Variants in NRG2 observed in about 807,000 individuals in gnomAD.
NRG2 encodes pro-neuregulin-2, membrane-bound isoform.
In NRG2, 27 loss-of-function variants were observed where a neutral mutation model predicts 73.9. The observed-to-expected ratio is 0.37, with a 90% confidence interval of 0.27 to 0.50. NRG2 has a LOEUF of 0.50. NRG2 is among the 20% of genes least tolerant of loss of function. NRG2 has a pLI of 0.96. For missense variants in NRG2, 1,126 were observed against 1,210.1 expected, an observed-to-expected ratio of 0.93 and a Z score of 1.03; for synonymous variants, 532 against 541.0, an observed-to-expected ratio of 0.98 and a Z score of 0.23.
intron 1 of NRG2, among the ~76,000 whole-genome samples, chr5:139,959,428 G>A (rs1214291507): frequency 6.6e-6 from 1 of 152,178 alleles, no homozygotes; most frequent in African/African-American, 2.4e-5. Flanking sequence ...CCAGGCTGGA[G>A]TGCAATGGCG....
chr5:140,006,686 A>G (rs1758928194), intron 1 of NRG2, among the ~76,000 whole-genome samples: 1 of 152,256 alleles, frequency 6.6e-6, no homozygotes, highest in Non-Finnish European at 1.5e-5. Flanking sequence ...ATGGTGGAAG[A>G]GAAGAGAGAC....
chr5:139,982,712 T>C (rs1756899986), intron 1 of NRG2, among the ~76,000 whole-genome samples: 1 of 152,196 alleles, frequency 6.6e-6, no homozygotes, highest in East Asian at 1.9e-4. Context: ...AATTATTTCT[T>C]TACAACTTTC....
chr5:139,871,942 G>C, intron 3 of NRG2, 101 bp from the exon 4 acceptor site: 2 of 1,493,086 alleles, frequency 1.3e-6, no homozygotes, highest in East Asian at 2.3e-5. Flanking sequence ...AAGATGACCA[G>C]AGGCTGCAGG....
At chr5:139,999,059 C>T (rs760170040) in intron 1 of NRG2, among the ~76,000 whole-genome samples, 2 of 152,116 alleles carry the variant, frequency 1.3e-5, no homozygotes, top group Non-Finnish European at 2.9e-5. Flanking sequence ...GTCCTAAGGA[C>T]GAGGCTCAGC....
intron 1 of NRG2, among the ~76,000 whole-genome samples, chr5:139,978,200 C>G (rs896616538): frequency 6.6e-6 from 1 of 152,174 alleles, no homozygotes; most frequent in African/African-American, 2.4e-5. Context: ...ACTCATCTGA[C>G]AAAGGGCTAA....
chr5:139,880,193 G>C (rs753083212), intron 3 of NRG2, among the ~76,000 whole-genome samples: 30 of 152,258 alleles, frequency 2.0e-4, no homozygotes, highest in South Asian at 1.2e-3. Context: ...GGTAGTTTTG[G>C]CGGAGAGGCA....
In NRG2 at chr5:139,853,348, A is replaced by G. The variant is rs1240625683; in HGVS notation, c.1293-321T>C. On this transcript the variant is annotated intron_variant, in intron 6 of 9. Transcript: ENST00000361474. This position sits in a 1 kb window ranked among gnomAD's most constrained non-coding sequence, Gnocchi z 4.1. ...ACAGGGTGATCATTTATCCATTCCAAAGACTATTGAGGATTAAAAGTATAT... is the reference window on the plus strand; with the variant it reads ...ACAGGGTGATCATTTATCCATTCCAGAGACTATTGAGGATTAAAAGTATAT... Among the ~76,000 whole-genome samples the G allele has an allele frequency of 1.3e-5, 2 of 152,180 alleles. No individual in the cohort carries two copies. Among genetic ancestry groups the G allele is most frequent in the Admixed American group, 6.5e-5 (1 of 15,278 alleles).
chr5:139,907,141 G>C (rs1765286613), intron 1 of NRG2, among the ~76,000 whole-genome samples: 1 of 152,090 alleles, frequency 6.6e-6, no homozygotes, highest in South Asian at 2.1e-4. Context: ...GTTTGTGGGA[G>C]GTCTGTGGAC....
At chr5:139,947,502 T>C (rs1046521376) in intron 1 of NRG2, among the ~76,000 whole-genome samples, 5 of 152,226 alleles carry the variant, frequency 3.3e-5, no homozygotes, top group Admixed American at 2.6e-4. Flanking sequence ...TTAGGTGGTT[T>C]CTACTTTTTG....
intron 1 of NRG2, among the ~76,000 whole-genome samples, chr5:139,895,276 C>T (rs947306423): frequency 6.6e-6 from 1 of 152,248 alleles, no homozygotes; most frequent in African/African-American, 2.4e-5. Flanking sequence ...TACCTCATCC[C>T]CAGAGTCACG....
In NRG2 at chr5:139,851,719, C is replaced by T. The variant is rs1561622283; in HGVS notation, c.1657G>A (p.Val553Met). 2 of 1,614,246 alleles carry T rather than the reference C, an allele frequency of 1.2e-6. No individual in the cohort carries two copies. Among genetic ancestry groups the T allele is most frequent in the Non-Finnish European group, 1.7e-6 (2 of 1,180,044 alleles). Reference protein sequence around the residue: ...GTSKCNSPACVEARARRAAAY... With the variant: ...GTSKCNSPACMEARARRAAAY... ...GCTGCCCGCCTTGCCCGGGCCTCCA[C>T]ACATGCTGGGCTGTTGCATTTGCTG... The change falls in exon 9 of 10, where the codon GTG becomes ATG. Residue 553 changes from valine to methionine, a missense_variant. Physicochemically the swap from Val to Met is conservative, Grantham distance 21. This residue lies in a region of NRG2 where 539 missense variants were observed against 703.2 expected (regional missense o/e 0.77). Coordinates refer to ENST00000361474, the MANE Select transcript of NRG2 (RefSeq NM_004883.3). This position sits in a 1 kb window ranked among gnomAD's most constrained non-coding sequence, Gnocchi z 4.2.
At chr5:139,854,291 C>T in intron 6 of NRG2, among the ~76,000 whole-genome samples, 1 of 152,242 alleles carries the variant, frequency 6.6e-6, no homozygotes, top group Non-Finnish European at 1.5e-5. Context: ...TCTTCACCTG[C>T]TAACTCTTGT....
intron 1 of NRG2, among the ~76,000 whole-genome samples, chr5:139,997,826 A>T (rs2126612207): frequency 6.6e-6 from 1 of 152,330 alleles, no homozygotes; most frequent in Admixed American, 6.5e-5. Context: ...TCTATCACAG[A>T]TGGACATGGT....
At chr5:139,989,478 A>G (rs974749323) in intron 1 of NRG2, among the ~76,000 whole-genome samples, 2 of 152,196 alleles carry the variant, frequency 1.3e-5, no homozygotes, top group South Asian at 2.1e-4. Flanking sequence ...CCAGGCAGCC[A>G]TCAACCTGAA....
At chr5:140,020,946 A>G (rs1054142757) in intron 1 of NRG2, among the ~76,000 whole-genome samples, 1 of 152,138 alleles carries the variant, frequency 6.6e-6, no homozygotes, top group East Asian at 1.9e-4. Flanking sequence ...GAAATACTCT[A>G]TCCCGTGTCT....
Position 139,904,864 on chromosome 5 carries a change from C to T in NRG2, c.701-17353G>A, listed in dbSNP as rs1765131358. The stretch of plus-strand genomic sequence containing the variant: ...CCCGCTAGCCAGCCCAGCGGGGTAG[C>T]GAGCACCCTTGGCTCTTGCGGTGGG... On this transcript the variant is annotated intron_variant, in intron 1 of 9. Coordinates refer to ENST00000361474, the MANE Select transcript of NRG2 (RefSeq NM_004883.3). The surrounding 1 kb of genome is among the most constrained non-coding windows in gnomAD (Gnocchi z 6.0). 6.6e-6 allele frequency among the ~76,000 whole-genome samples: 1 copy of T among 152,198 alleles called. No homozygotes were observed. The highest frequency in any genetic ancestry group is 1.5e-5 in the Non-Finnish European group (1 of 68,018).
chr5:139,899,858 G>T (rs746519857), intron 1 of NRG2, among the ~76,000 whole-genome samples: 3 of 152,214 alleles, frequency 2.0e-5, no homozygotes, highest in Non-Finnish European at 2.9e-5. Context: ...CTGAGGCTGG[G>T]CAGGGGGCAG....
chr5:140,018,713 C>T (rs1759990049), intron 1 of NRG2, among the ~76,000 whole-genome samples: 1 of 152,218 alleles, frequency 6.6e-6, no homozygotes, highest in Non-Finnish European at 1.5e-5. Flanking sequence ...AGACGACCAA[C>T]AGATGCTGCC....
At chr5:139,991,847 A>G (rs548240668) in intron 1 of NRG2, among the ~76,000 whole-genome samples, 1 of 152,216 alleles carries the variant, frequency 6.6e-6, no homozygotes, top group East Asian at 1.9e-4. Flanking sequence ...TACTTCTATC[A>G]TTTACAGAAG....
Sources: gnomAD v4.1 joint callset for allele counts (sites outside exome capture counted in the v4.1 genomes callset) on GRCh38, gnomAD v4.1.1 for gene constraint, gnomAD v4.1.1 regional missense constraint, Gnocchi (gnomAD v3.1) non-coding constraint, MANE v1.5 for transcripts, NCBI Gene and HGNC (gene_info 2026-07-23, HGNC 2026-07-21) for gene names.